The following SERGEF variants were observed in gnomAD, a reference collection of about 807,000 sequenced individuals.
The protein encoded by SERGEF is secretion-regulating guanine nucleotide exchange factor.
Under a neutral mutation model 50.0 loss-of-function variants are expected in SERGEF, and 51 were observed. The observed-to-expected ratio is 1.02, with a 90% CI of 0.81 to 1.29. The LOEUF (loss-of-function observed/expected upper bound fraction) is 1.29. Ranked by LOEUF, SERGEF falls within the 50% of genes most tolerant of loss-of-function variation. The pLI is 0.00. For synonymous variants in SERGEF, 205 were observed against 212.4 expected (o/e 0.97, Z 0.30); for missense variants, 521 against 557.0 (o/e 0.94, Z 0.65).
At chr11:17,998,571 C>T (rs1304468313) in intron 5 of SERGEF, among the ~76,000 whole-genome samples, 16 of 137,484 alleles carry the variant, frequency 1.2e-4, no homozygotes, top group Admixed American at 9.1e-4. Flanking sequence ...TATTTATATA[C>T]AGTCATGGGA....
intron 9 of SERGEF, among the ~76,000 whole-genome samples, chr11:17,886,700 G>C (rs890630822): frequency 6.6e-6 from 1 of 152,154 alleles, no homozygotes; most frequent in African/African-American, 2.4e-5. Context: ...GACAGATAAG[G>C]AGAGGGCTTG....
intron 9 of SERGEF, among the ~76,000 whole-genome samples, chr11:17,955,053 C>T (rs554611034): frequency 1.1e-3 from 164 of 152,336 alleles, no homozygotes; most frequent in African/African-American, 3.8e-3. Flanking sequence ...GGTTCAGCCA[C>T]TAGAATGGGT....
At chr11:18,010,188 C>A in intron 1 of SERGEF, 1 of 715,348 alleles carries the variant, frequency 1.4e-6, no homozygotes. Flanking sequence ...TACATATATA[C>A]ATACTTACAT....
At chr11:17,890,026 CAAAAAA>C (rs59805347) in intron 9 of SERGEF, among the ~76,000 whole-genome samples, 1 of 73,946 alleles carries the variant, frequency 1.4e-5, no homozygotes, top group Non-Finnish European at 2.8e-5. Flanking sequence ...ACACTTCAAC[CAAAAAA>C]AAAAAAAAAA....
At chr11:18,010,021 A>G in intron 1 of SERGEF, 1 of 785,368 alleles carries the variant, frequency 1.3e-6, no homozygotes, top group Non-Finnish European at 1.8e-6. Context: ...GTGGACCTGC[A>G]GAGAGAATCT....
chr11:17,893,643 A>G (rs956123329), intron 9 of SERGEF, among the ~76,000 whole-genome samples: 2 of 152,200 alleles, frequency 1.3e-5, no homozygotes, highest in African/African-American at 4.8e-5. Context: ...GCTCAGCTCT[A>G]TACAAGCCAC....
chr11:17,991,432 C>T lies in SERGEF; in HGVS notation c.685+1499G>A, dbSNP rs893268232. Among the ~76,000 whole-genome samples the T allele has an allele frequency of 5.3e-5, 8 of 152,148 alleles. No homozygotes were observed. Among genetic ancestry groups the T allele is most frequent in the African/African-American group, 9.7e-5 (4 of 41,428 alleles). On this transcript the variant is annotated intron_variant, in intron 7 of 10. Transcript: ENST00000265965. This position sits in a 1 kb window ranked among gnomAD's most constrained non-coding sequence, Gnocchi z 4.9. ...TAATTAGAACAAAACAGAAACACCTCGTAGTCTACTTTTATTCTCAGAAAA... is the reference window on the plus strand; with the variant it reads ...TAATTAGAACAAAACAGAAACACCTTGTAGTCTACTTTTATTCTCAGAAAA...
chr11:17,975,383 G>A (rs1378457487), intron 8 of SERGEF, among the ~76,000 whole-genome samples: 1 of 151,886 alleles, frequency 6.6e-6, no homozygotes, highest in African/African-American at 2.4e-5. Flanking sequence ...CATCTCCTCA[G>A]AGAGGTATAA....
rs1013139049 is a variant in SERGEF, at chr11:17,826,378, G to A, written c.1049-37965C>T. Among the ~76,000 whole-genome samples, 56 of 152,182 alleles carry A rather than the reference G, an allele frequency of 3.7e-4. 2 individuals are homozygous for A. Among genetic ancestry groups the A allele is most frequent in the Admixed American group, 3.4e-3 (52 of 15,272 alleles). ...CAATCCCAAAAGTTTGCCGCAACTG[G>A]TATAGACTTTTAATTCTCGGGCTCC... is the stretch of plus-strand genomic sequence containing the variant. On this transcript the variant is annotated intron_variant, in intron 10 of 10. Coordinates refer to ENST00000265965, the MANE Select transcript of SERGEF (RefSeq NM_012139.4).
chr11:17,914,727 T>C (rs542138825), intron 9 of SERGEF, among the ~76,000 whole-genome samples: 2 of 152,256 alleles, frequency 1.3e-5, no homozygotes, highest in South Asian at 4.1e-4. Flanking sequence ...ACATTTTATC[T>C]AAATATCTTT....
chr11:17,888,905 G>A lies in SERGEF; in HGVS notation c.1012-10661C>T, dbSNP rs750825973. ...AAAGTGATAAAAGAGTAAAGGAGACGTGTCAAAAGGAAACTAGCCAGCCTG... is the reference window on the plus strand; with the variant it reads ...AAAGTGATAAAAGAGTAAAGGAGACATGTCAAAAGGAAACTAGCCAGCCTG... On this transcript the variant is annotated intron_variant, in intron 9 of 10. Transcript: ENST00000265965. This position sits in a 1 kb window ranked among gnomAD's most constrained non-coding sequence, Gnocchi z 4.1. Among the ~76,000 whole-genome samples the A allele has an allele frequency of 2.0e-5, 3 of 152,148 alleles. No individual in the cohort carries two copies. The highest frequency in any genetic ancestry group is 2.9e-5 in the Non-Finnish European group (2 of 68,032).
chr11:17,901,142 G>T (rs1424639806), intron 9 of SERGEF, among the ~76,000 whole-genome samples: 1 of 151,884 alleles, frequency 6.6e-6, no homozygotes, highest in Non-Finnish European at 1.5e-5. Flanking sequence ...CACTCCCCAA[G>T]TGTGGCCAAC....
intron 3 of SERGEF, among the ~76,000 whole-genome samples, chr11:18,005,711 G>T (rs1011689872): frequency 9.9e-5 from 15 of 152,142 alleles, no homozygotes; most frequent in Non-Finnish European, 4.4e-5. Context: ...TGCTTCAAGG[G>T]AACAGACGTC....
chr11:17,889,126 A>G (rs1156623224), intron 9 of SERGEF, among the ~76,000 whole-genome samples: 1 of 152,260 alleles, frequency 6.6e-6, no homozygotes, highest in Non-Finnish European at 1.5e-5. Flanking sequence ...GCTAGAAAAT[A>G]ATTTTGCAAT....
intron 8 of SERGEF, among the ~76,000 whole-genome samples, chr11:17,966,376 T>G (rs1011843060): frequency 6.6e-6 from 1 of 152,240 alleles, no homozygotes; most frequent in Non-Finnish European, 1.5e-5. Context: ...GCTTCTCTTC[T>G]AGGCTGCATG....
At chr11:17,984,173 A>G (rs575142455) in intron 8 of SERGEF, among the ~76,000 whole-genome samples, 2 of 152,256 alleles carry the variant, frequency 1.3e-5, no homozygotes, top group Admixed American at 1.3e-4. Context: ...GAGAGGGAGG[A>G]TATTAGTCAT....
chr11:17,900,032 C>T (rs1007687328), intron 9 of SERGEF, among the ~76,000 whole-genome samples: 4 of 151,768 alleles, frequency 2.6e-5, no homozygotes, highest in Non-Finnish European at 5.9e-5. Flanking sequence ...GGGATACAGA[C>T]AGAATGAAGA....
chr11:18,006,529 C>T, intron 3 of SERGEF, 62 bp downstream of exon 3: 1 of 1,482,672 alleles, frequency 6.7e-7, no homozygotes, highest in South Asian at 1.2e-5. Context: ...CAGTCACCAT[C>T]ATCATACTGT....
intron 10 of SERGEF, among the ~76,000 whole-genome samples, chr11:17,816,296 A>T (rs2133839876): frequency 6.6e-6 from 1 of 152,310 alleles, no homozygotes; most frequent in Admixed American, 6.5e-5. Context: ...TGCAGCTGAG[A>T]CAGGGCGGTA....
Sources: allele counts gnomAD v4.1 joint callset (sites outside exome capture counted in the v4.1 genomes callset), GRCh38; gene constraint gnomAD v4.1.1; non-coding constraint Gnocchi (gnomAD v3.1); transcripts MANE v1.5; gene names NCBI Gene and HGNC (gene_info 2026-07-23, HGNC 2026-07-21).